RNF150: variants seen among roughly 807,000 people sequenced by gnomAD.
The protein encoded by RNF150 is ring finger protein 150.
A neutral mutation model predicts 39.3 loss-of-function variants in RNF150; 24 were observed. The observed-to-expected ratio is 0.61, with a 90% CI of 0.44 to 0.86. The LOEUF (loss-of-function observed/expected upper bound fraction) is 0.86, where lower values mean the gene tolerates loss of function less well. Ranked by LOEUF, RNF150 falls within the 40% of genes least tolerant of loss-of-function variation. The pLI, the probability that RNF150 is intolerant of heterozygous loss-of-function variation, is 0.00. For synonymous variants in RNF150, 255 were observed against 227.3 expected, an observed-to-expected ratio of 1.12 and a Z score of -1.10; for missense variants, 502 against 587.8, an observed-to-expected ratio of 0.85 and a Z score of 1.51.
At chr4:141,090,233 C>T (rs958529470) in intron 1 of RNF150, among the ~76,000 whole-genome samples, 8 of 152,250 alleles carry the variant, frequency 5.3e-5, no homozygotes, top group Middle Eastern at 3.4e-3. Flanking sequence ...GCTGGAATAA[C>T]CCTGGAGAGT....
At chr4:140,905,874 C>T (rs1730352500) in intron 6 of RNF150, among the ~76,000 whole-genome samples, 1 of 152,002 alleles carries the variant, frequency 6.6e-6, no homozygotes, top group African/African-American at 2.4e-5. Flanking sequence ...GTATGAGTGT[C>T]CTAGAGGTGA....
intron 6 of RNF150, among the ~76,000 whole-genome samples, chr4:140,909,718 A>T (rs1730520060): frequency 6.6e-6 from 1 of 152,180 alleles, no homozygotes; most frequent in African/African-American, 2.4e-5. Flanking sequence ...GCACCAGTCT[A>T]AACCTTCAAA....
chr4:140,887,578 C>A (rs186669524), intron 6 of RNF150, among the ~76,000 whole-genome samples: 2 of 152,228 alleles, frequency 1.3e-5, no homozygotes, highest in Admixed American at 1.3e-4. Context: ...GACGCATCAA[C>A]ATTTCATAAA....
intron 4 of RNF150, among the ~76,000 whole-genome samples, chr4:140,929,362 T>TG: frequency 7.6e-6 from 1 of 131,386 alleles, no homozygotes; most frequent in East Asian, 2.2e-4. Flanking sequence ...TGCTAAGTTT[T>TG]TTTTTTTTTT....
chr4:140,950,169 G>A (rs1732490386), intron 2 of RNF150, among the ~76,000 whole-genome samples: 1 of 152,136 alleles, frequency 6.6e-6, no homozygotes, highest in Non-Finnish European at 1.5e-5. Context: ...TTTTCTACAT[G>A]TTTTATCTTC....
intron 4 of RNF150, among the ~76,000 whole-genome samples, chr4:140,946,165 G>T (rs114916550): frequency 0.02 from 3,009 of 152,316 alleles, 34 homozygotes; most frequent in Non-Finnish European, 0.029. Context: ...AATCACAATT[G>T]ACGGCTTTGG....
chr4:140,975,562 C>T (rs1213716110), intron 1 of RNF150, among the ~76,000 whole-genome samples: 1 of 152,156 alleles, frequency 6.6e-6, no homozygotes, highest in Non-Finnish European at 1.5e-5. Flanking sequence ...ACCATTCTTT[C>T]TCAGGTGGTA....
chr4:140,959,930 T>C (rs1021607796), intron 2 of RNF150, among the ~76,000 whole-genome samples: 6 of 152,152 alleles, frequency 3.9e-5, no homozygotes, highest in East Asian at 3.9e-4. Flanking sequence ...TCTCCCCAAG[T>C]GAGCTCATCC....
chr4:140,860,386 C>G lies in RNF150; in HGVS notation c.*7875G>C, dbSNP rs546836032. 1.3e-5 allele frequency: 2 copies of G among 152,266 alleles called. No individual in the cohort carries two copies. The highest frequency in any genetic ancestry group is 4.1e-4 in the South Asian group (2 of 4,820). The allele number at this position is 152,266 out of a possible 1,614,324, so 9.4% of individuals were successfully genotyped here. ...TAAGAACTGAAGTCCAAATGAAAGA[C>G]TCCCCATGCAAATGTCATCAGGAGT... On this transcript the variant is annotated 3_prime_UTR_variant, in exon 7 of 7. Transcript: ENST00000515673.
chr4:140,924,541 G>GAA (rs140081292), intron 5 of RNF150, among the ~76,000 whole-genome samples: 3,160 of 152,228 alleles, frequency 0.021, 123 homozygotes, highest in African/African-American at 0.071. Flanking sequence ...CTCATTGTGA[G>GAA]AACTGTCAGG....
At chr4:141,034,797 A>G (rs1253335398) in intron 1 of RNF150, among the ~76,000 whole-genome samples, 1 of 152,184 alleles carries the variant, frequency 6.6e-6, no homozygotes, top group Non-Finnish European at 1.5e-5. Flanking sequence ...TAAGTTCACC[A>G]TCTTATATAT....
At chr4:141,001,482 G>C (rs1420413699) in intron 1 of RNF150, among the ~76,000 whole-genome samples, 1 of 151,970 alleles carries the variant, frequency 6.6e-6, no homozygotes, top group Admixed American at 6.5e-5. Context: ...ATAAATTAAG[G>C]ATTAAAAATA....
intron 1 of RNF150, chr4:141,053,672 A>G: frequency 7.2e-7 from 1 of 1,388,386 alleles, no homozygotes; most frequent in South Asian, 1.7e-5. Context: ...ATACCTGAGG[A>G]AAGGGAATAT....
chr4:141,171,187 A>T (rs1434714146), intron 1 of RNF150, among the ~76,000 whole-genome samples: 1 of 152,196 alleles, frequency 6.6e-6, no homozygotes, highest in Non-Finnish European at 1.5e-5. Context: ...TAGAAAATAA[A>T]GTTTACCTTT....
chr4:141,064,245 A>C (rs28684594), intron 1 of RNF150, among the ~76,000 whole-genome samples: 5,917 of 152,284 alleles, frequency 0.039, 178 homozygotes, highest in African/African-American at 0.081. Context: ...AAAGCTAGTA[A>C]ATGGCAAAGG....
chr4:140,927,361 A>G (rs1731438260), intron 4 of RNF150, among the ~76,000 whole-genome samples: 1 of 152,162 alleles, frequency 6.6e-6, no homozygotes, highest in Non-Finnish European at 1.5e-5. Flanking sequence ...TGTAATCTCC[A>G]GTTTGGAGGT....
chr4:141,195,265 C>A lies in RNF150; in HGVS notation c.-6+17529G>T, dbSNP rs571960972. Among the ~76,000 whole-genome samples, 328 of 152,240 alleles carry A rather than the reference C, an allele frequency of 2.2e-3. 1 individual carries two copies. Among genetic ancestry groups the A allele is most frequent in the African/African-American group, 7.6e-3 (317 of 41,538 alleles). ...AATGAACTTGGCCTGCCCTCCTAAA[C>A]CTGAGCTAGGATTATGTAAAAAGCC... On this transcript the variant is annotated intron_variant, in intron 1 of 7. Coordinates refer to the RNF150 transcript ENST00000420921.
intron 5 of RNF150, among the ~76,000 whole-genome samples, chr4:140,923,278 A>C (rs1394387690): frequency 6.6e-6 from 1 of 152,190 alleles, no homozygotes; most frequent in African/African-American, 2.4e-5. Flanking sequence ...TTACAAGAAA[A>C]AAAGAAACAA....
rs1050275725 is a variant in RNF150, at chr4:140,862,719, C to T, written c.*5542G>A. On this transcript the variant is annotated 3_prime_UTR_variant, in exon 7 of 7. Transcript: ENST00000515673. Reference sequence around the variant, plus strand: ...TAATTTATTTTTCAGGCAATCCAGACCTTCTTTGCAATCATGAGTATTTTA... The same window carrying T: ...TAATTTATTTTTCAGGCAATCCAGATCTTCTTTGCAATCATGAGTATTTTA... The T allele has an allele frequency of 5.9e-5, 9 of 152,148 alleles. No homozygotes were observed. Among genetic ancestry groups the T allele is most frequent in the African/African-American group, 2.2e-4 (9 of 41,404 alleles). 9.4% of individuals were successfully genotyped at this position (152,148 alleles called of 1,614,324 possible).
Sources: allele counts gnomAD v4.1 joint callset (sites outside exome capture counted in the v4.1 genomes callset), GRCh38; gene constraint gnomAD v4.1.1; transcripts MANE v1.5; gene names NCBI Gene and HGNC (gene_info 2026-07-23, HGNC 2026-07-21).